The following INPP4B variants were observed in gnomAD, a reference collection of about 807,000 sequenced individuals.
INPP4B encodes the protein inositol polyphosphate-4-phosphatase type II B.
A neutral mutation model predicts 122.5 loss-of-function variants in INPP4B; 55 were observed. The ratio of observed to expected loss-of-function variants is 0.45; its 90% CI spans 0.36 to 0.56. INPP4B has a LOEUF of 0.56. Ranked by LOEUF, INPP4B falls within the 20% of genes least tolerant of loss-of-function variation. The probability of loss-of-function intolerance (pLI) is 0.00; values close to 1 mark genes in which losing one functional copy is unlikely to be tolerated. For synonymous variants in INPP4B, 403 were observed against 388.7 expected, an observed-to-expected ratio of 1.04 and a Z score of -0.43; for missense variants, 1,000 against 1,097.7, an observed-to-expected ratio of 0.91 and a Z score of 1.26.
At chr4:142,248,468 G>C (rs1324610990) in intron 11 of INPP4B, among the ~76,000 whole-genome samples, 1 of 151,194 alleles carries the variant, frequency 6.6e-6, no homozygotes, top group Non-Finnish European at 1.5e-5. Context: ...CTCCCAAGTA[G>C]CTGGGATTAC....
chr4:142,390,801 A>T (rs962831355), intron 7 of INPP4B, among the ~76,000 whole-genome samples: 8 of 151,696 alleles, frequency 5.3e-5, no homozygotes, highest in Non-Finnish European at 1.0e-4. Flanking sequence ...TTGTGTCTTT[A>T]ACTACGACTA....
chr4:142,123,119 T>C (rs970043813), intron 20 of INPP4B, among the ~76,000 whole-genome samples, 173 bp downstream of exon 20: 4 of 152,134 alleles, frequency 2.6e-5, no homozygotes, highest in Admixed American at 1.3e-4. Flanking sequence ...CAAAGCATAA[T>C]AGGAGGCAAA....
At chr4:142,193,443 C>T (rs140961757) in intron 14 of INPP4B, among the ~76,000 whole-genome samples, 1 of 152,094 alleles carries the variant, frequency 6.6e-6, no homozygotes, top group African/African-American at 2.4e-5. Context: ...TTACATGCTA[C>T]AGTGTAGAAC....
intron 2 of INPP4B, among the ~76,000 whole-genome samples, chr4:142,655,646 G>A (rs1034203897): frequency 1.5e-4 from 23 of 152,202 alleles, no homozygotes; most frequent in African/African-American, 5.5e-4. Flanking sequence ...GCTAATGAAT[G>A]GCATAATTAT....
chr4:142,256,923 T>C (rs549815432), intron 11 of INPP4B, among the ~76,000 whole-genome samples: 37 of 152,306 alleles, frequency 2.4e-4, no homozygotes, highest in Admixed American at 4.6e-4. Flanking sequence ...TTTAGACCAA[T>C]ATCTCTGATG....
rs866580674 is a variant in INPP4B, at chr4:142,347,702, A to C, written c.373-32940T>G. 9 of 303,116 alleles carry C rather than the reference A, an allele frequency of 3.0e-5. 1 individual carries two copies. The highest frequency in any genetic ancestry group is 4.5e-5 in the African/African-American group (2 of 44,690). The allele number at this position is 303,116 out of a possible 1,614,324, so 18.8% of individuals were successfully genotyped here. On this transcript the variant is annotated intron_variant, in intron 7 of 25. Coordinates refer to ENST00000262992, the MANE Select transcript of INPP4B (RefSeq NM_001101669.3). ...TTTCTATGTAAACTTTTCTATAGAC[A>C]TCTCTCTGATAACATAAAAGACTGA...
At chr4:142,628,855 G>T (rs1170367520) in intron 2 of INPP4B, among the ~76,000 whole-genome samples, 2 of 152,058 alleles carry the variant, frequency 1.3e-5, no homozygotes, top group Non-Finnish European at 2.9e-5. Context: ...GGGAAGGTGT[G>T]CTGGGGAGGA....
chr4:142,732,281 A>ACG, intron 1 of INPP4B, among the ~76,000 whole-genome samples: 1 of 151,930 alleles, frequency 6.6e-6, no homozygotes, highest in Non-Finnish European at 1.5e-5. Flanking sequence ...ACTATCCCAC[A>ACG]CTCTCATCTA....
At chr4:142,209,847 C>T (rs3102447) in intron 12 of INPP4B, among the ~76,000 whole-genome samples, 87,324 of 145,674 alleles carry the variant, frequency 0.6, 27,397 homozygotes, top group Non-Finnish European at 0.69. Context: ...GGTATTGTCA[C>T]GTATGGTTTT....
intron 1 of INPP4B, among the ~76,000 whole-genome samples, chr4:142,825,062 G>A (rs540936685): frequency 6.3e-4 from 96 of 152,146 alleles, no homozygotes; most frequent in Middle Eastern, 3.4e-3. Context: ...TCTCACTGAT[G>A]AACTAAAGTA....
At chr4:142,215,932 A>T (rs1408048560) in intron 12 of INPP4B, among the ~76,000 whole-genome samples, 1 of 132,890 alleles carries the variant, frequency 7.5e-6, no homozygotes. Context: ...AAAAAAAAAA[A>T]AGAAGGAATC....
chr4:142,795,815 T>G (rs148580484), intron 1 of INPP4B, among the ~76,000 whole-genome samples: 1 of 152,110 alleles, frequency 6.6e-6, no homozygotes, highest in Non-Finnish European at 1.5e-5. Context: ...TAAATCAGAT[T>G]AATAAACTGT....
chr4:142,232,182 G>C (rs1445131169), intron 12 of INPP4B, among the ~76,000 whole-genome samples: 1 of 151,962 alleles, frequency 6.6e-6, no homozygotes, highest in African/African-American at 2.4e-5. Context: ...CTAATTTTTT[G>C]TTAAAAATCA....
At chr4:142,422,086 A>G (rs757510765) in intron 5 of INPP4B, among the ~76,000 whole-genome samples, 6 of 152,088 alleles carry the variant, frequency 3.9e-5, no homozygotes, top group Non-Finnish European at 8.8e-5. Context: ...TAATCTGTCC[A>G]GTAATGATAA....
intron 2 of INPP4B, among the ~76,000 whole-genome samples, chr4:142,504,335 T>C (rs1823741644): frequency 6.6e-6 from 1 of 151,802 alleles, no homozygotes; most frequent in South Asian, 2.1e-4. Context: ...TTCCAAAAAT[T>C]AAAAAAGCTC....
intron 3 of INPP4B, among the ~76,000 whole-genome samples, chr4:142,442,170 T>C (rs1178444370): frequency 6.6e-6 from 1 of 151,918 alleles, no homozygotes; most frequent in Non-Finnish European, 1.5e-5. Flanking sequence ...CCCAGCACTT[T>C]GGGAGGCTGA....
chr4:142,686,163 A>G (rs574976939), intron 2 of INPP4B, among the ~76,000 whole-genome samples: 1 of 152,232 alleles, frequency 6.6e-6, no homozygotes, highest in South Asian at 2.1e-4. Context: ...ACTATCTAGA[A>G]TGTTAGAATT....
chr4:142,777,022 G>A (rs923248005), intron 1 of INPP4B, among the ~76,000 whole-genome samples: 1 of 152,148 alleles, frequency 6.6e-6, no homozygotes, highest in African/African-American at 2.4e-5. Context: ...GATGGGGAGT[G>A]AGTTTCCCTG....
intron 9 of INPP4B, among the ~76,000 whole-genome samples, chr4:142,274,788 C>A (rs759732867): frequency 8.6e-5 from 13 of 151,664 alleles, no homozygotes; most frequent in Non-Finnish European, 1.6e-4. Flanking sequence ...AGGAAAAAAA[C>A]CATGTCATTT....
Sources: allele counts gnomAD v4.1 joint callset (sites outside exome capture counted in the v4.1 genomes callset), GRCh38; gene constraint gnomAD v4.1.1; transcripts MANE v1.5; gene names NCBI Gene and HGNC (gene_info 2026-07-23, HGNC 2026-07-21).